The following ALMS1 variants were observed in gnomAD, a reference collection of about 807,000 sequenced individuals.
ALMS1 encodes ALMS1 centrosome and basal body associated protein.
ALMS1 carries 271 observed loss-of-function variants against 352.2 expected under a neutral mutation model. The observed-to-expected ratio is 0.77, with a 90% CI of 0.70 to 0.85. The LOEUF (loss-of-function observed/expected upper bound fraction) is 0.85, where lower values mean the gene tolerates loss of function less well. Ranked by LOEUF, ALMS1 falls within the 40% of genes least tolerant of loss-of-function variation. The pLI is 0.00. For synonymous variants in ALMS1, 1,865 were observed against 1,761.2 expected (o/e 1.06, Z -1.48); for missense variants, 5,445 against 4,870.7 (o/e 1.12, Z -3.51).
At chr2:73,463,212 G>T (rs1210817364) in intron 9 of ALMS1, among the ~76,000 whole-genome samples, 1 of 152,126 alleles carries the variant, frequency 6.6e-6, no homozygotes, top group Non-Finnish European at 1.5e-5. Context: ...TGGAAGTAAA[G>T]CACTCTCAGC....
Position 73,451,229 on chromosome 2 carries a change from T to C in ALMS1, c.4702T>C (p.Ser1568Pro). The change falls in exon 8 of 23, where the codon TCT (serine) becomes CCT (proline). Residue 1568 changes from serine to proline, a missense_variant. By Grantham distance (74) the Ser-to-Pro change is moderately conservative. Coordinates refer to ENST00000613296, the MANE Select transcript of ALMS1 (RefSeq NM_001378454.1). Reference protein sequence around the residue: ...DQTTGIPTITSTSYSFGEKPI... With the variant: ...DQTTGIPTITPTSYSFGEKPI... ...GACAACTGGCATACCAACCATAACC[T>C]CTACTTCCTACTCATTTGGAGAGAA... The C allele has an allele frequency of 6.2e-7, 1 of 1,613,570 alleles. No individual in the cohort carries two copies. Among genetic ancestry groups the C allele is most frequent in the Non-Finnish European group, 8.5e-7 (1 of 1,179,924 alleles).
chr2:73,505,271 G>A (rs1673297495), intron 10 of ALMS1, among the ~76,000 whole-genome samples: 1 of 152,220 alleles, frequency 6.6e-6, no homozygotes, highest in Non-Finnish European at 1.5e-5. Flanking sequence ...TGGTATTCTA[G>A]TTCTAAATCC....
rs551888738 is a variant in ALMS1, at chr2:73,452,454, A to G, written c.5927A>G (p.Gln1976Arg). 6 of 1,614,104 alleles carry G rather than the reference A, an allele frequency of 3.7e-6. No homozygotes were observed. Among genetic ancestry groups the G allele is most frequent in the Non-Finnish European group, 5.1e-6 (6 of 1,180,004 alleles). Residue 1976 changes from glutamine (Q) to arginine (R), a missense_variant, in exon 8 of 23, where the codon CAG becomes CGG. Gln to Arg is a conservative substitution (Grantham distance 43). Transcript: ENST00000613296. ...TCACCTGTTTCTATACCAGCAGAGCAGAAGACTGGGATACCAATAGGACTG... is the reference window on the plus strand; with the variant it reads ...TCACCTGTTTCTATACCAGCAGAGCGGAAGACTGGGATACCAATAGGACTG... ...KVSPVSIPAE[Q>R]KTGIPIGLSS...
chr2:73,434,864 G>A (rs961475910), intron 7 of ALMS1, among the ~76,000 whole-genome samples: 14 of 152,128 alleles, frequency 9.2e-5, no homozygotes, highest in African/African-American at 3.4e-4. Flanking sequence ...AATGCAGTGC[G>A]TGGCTCACTG....
intron 6 of ALMS1, among the ~76,000 whole-genome samples, chr2:73,431,319 G>T (rs760808442): frequency 2.6e-5 from 4 of 152,128 alleles, no homozygotes; most frequent in Non-Finnish European, 4.4e-5. Context: ...GGCTTCCTAA[G>T]AATGTTCATT....
chr2:73,568,257 T>A (rs1031713811), intron 15 of ALMS1, among the ~76,000 whole-genome samples: 2 of 152,192 alleles, frequency 1.3e-5, no homozygotes, highest in African/African-American at 4.8e-5. Flanking sequence ...AAGACTATTA[T>A]TAGAAGTGCA....
chr2:73,449,122 A>G lies in ALMS1; in HGVS notation c.2595A>G (p.Glu865=). 6.2e-7 allele frequency: 1 copy of G among 1,613,986 alleles called. No individual in the cohort carries two copies. The highest frequency in any genetic ancestry group is 8.5e-7 in the Non-Finnish European group (1 of 1,179,952). Residue 865 remains glutamate, a synonymous_variant, in exon 8 of 23, where the codon GAA becomes GAG. Transcript: ENST00000613296. ...STSSASSSLG[E]KPSAFYQQTL... is the part of the protein sequence containing the mutation. ...CCTCTGCGTCCTCTTCACTTGGAGAAAAGCCCAGTGCTTTCTATCAGCAGA... is the reference window on the plus strand; with the variant it reads ...CCTCTGCGTCCTCTTCACTTGGAGAGAAGCCCAGTGCTTTCTATCAGCAGA...
rs752084128 is a variant in ALMS1 at position 73,424,629 on chromosome 2, G to T, written c.964G>T (p.Glu322Ter). ...ACCTTCTGAACAAGGGAATAATGAA[G>T]AGACTATTTCGTCTGTTGATGAACT... ...FLPSEQGNNE[E>*]TISSVDELKI... The change falls in exon 5 of 23, where the codon GAG (glutamate) becomes TAG (stop). Residue 322 changes from glutamate to a stop codon, truncating the protein, a stop_gained. Coordinates refer to ENST00000613296, the MANE Select transcript of ALMS1 (RefSeq NM_001378454.1). LOFTEE classifies it high-confidence loss of function. The T allele has an allele frequency of 6.2e-7, 1 of 1,613,990 alleles. No homozygotes were observed.
At chr2:73,509,388 G>T (rs1673402959) in intron 10 of ALMS1, among the ~76,000 whole-genome samples, 1 of 152,014 alleles carries the variant, frequency 6.6e-6, no homozygotes, top group Non-Finnish European at 1.5e-5. Flanking sequence ...TTTTTGCAGT[G>T]ACTGGTACTG....
intron 20 of ALMS1, 28 bp from the exon 21 acceptor site, chr2:73,603,213 A>C: frequency 1.9e-6 from 3 of 1,612,266 alleles, no homozygotes; most frequent in Middle Eastern, 1.7e-4. Flanking sequence ...GTCACTGTCC[A>C]CTGAAAACCC....
intron 9 of ALMS1, among the ~76,000 whole-genome samples, chr2:73,464,971 C>G (rs1264486845): frequency 6.6e-6 from 1 of 151,186 alleles, no homozygotes; most frequent in African/African-American, 2.5e-5. Flanking sequence ...GAAGAACATT[C>G]CATGCTCATG....
At chr2:73,393,374 A>G (rs573750817) in intron 1 of ALMS1, among the ~76,000 whole-genome samples, 23 of 151,618 alleles carry the variant, frequency 1.5e-4, no homozygotes, top group Non-Finnish European at 2.9e-4. Flanking sequence ...ATTCTTTCGT[A>G]TGTGACTATC....
rs183269055 is a variant in ALMS1, at chr2:73,567,239, C to G, written c.10385-5023C>G. 2.0e-5 allele frequency among the ~76,000 whole-genome samples: 3 copies of G among 152,322 alleles called. No individual in the cohort carries two copies. The East Asian group carries it at 5.8e-4, about 29-fold the overall frequency. On this transcript the variant is annotated intron_variant, in intron 15 of 22. Coordinates refer to ENST00000613296, the MANE Select transcript of ALMS1 (RefSeq NM_001378454.1). ...TAAACAGGCCCCCCATCCTAAGGGG[C>G]TTTCCAAAATTCACCTCATTAATGT...
At chr2:73,522,238 G>A (rs1466129895) in intron 11 of ALMS1, among the ~76,000 whole-genome samples, 3 of 152,100 alleles carry the variant, frequency 2.0e-5, no homozygotes, top group Admixed American at 6.5e-5. Flanking sequence ...TTGTCCAATC[G>A]TTGCTGTTAA....
chr2:73,576,217 A>G (rs768538663), intron 16 of ALMS1, among the ~76,000 whole-genome samples: 4 of 152,190 alleles, frequency 2.6e-5, no homozygotes, highest in Non-Finnish European at 4.4e-5. Flanking sequence ...TTTACTGTGT[A>G]TTTAAAATGA....
chr2:73,385,823 T>A (rs1558624325), upstream of ALMS1: 1 of 658,370 alleles, frequency 1.5e-6, no homozygotes, highest in South Asian at 1.7e-5. Flanking sequence ...TTCCCCTCCC[T>A]CCCCCCCTCC....
chr2:73,452,857 A>G lies in ALMS1; in HGVS notation c.6330A>G (p.Pro2110=). ...ATATTTTCAGTCCACAGGAATTGCC[A>G]GGTAGTCATGTAACTGAAGATGTGC... is the stretch of plus-strand genomic sequence containing the variant. The part of the protein sequence containing the change: ...KSNIFSPQEL[P]GSHVTEDVLK... Residue 2110 remains proline (P), a synonymous_variant, in exon 8 of 23, where the codon CCA becomes CCG. Transcript: ENST00000613296. The G allele has an allele frequency of 6.2e-7, 1 of 1,613,902 alleles. No homozygotes were observed. Among genetic ancestry groups the G allele is most frequent in the East Asian group, 2.2e-5 (1 of 44,852 alleles).
At chr2:73,563,300 A>G (rs1437934867) in intron 15 of ALMS1, among the ~76,000 whole-genome samples, 1 of 152,210 alleles carries the variant, frequency 6.6e-6, no homozygotes, top group Non-Finnish European at 1.5e-5. Flanking sequence ...GTATATTTTT[A>G]TACTGATTTG....
rs540299022 is a variant in ALMS1 at position 73,482,734 on chromosome 2, T to C, written c.7675-6900T>C. Among the ~76,000 whole-genome samples the C allele has an allele frequency of 1.9e-3, 283 of 152,226 alleles. 2 individuals are homozygous for C. The highest frequency in any genetic ancestry group is 6.6e-3 in the African/African-American group (274 of 41,542). ...GGACTCTTTTTGGTTGGTAAGCTAT[T>C]GATTATTGCCACAATTTCAGATCCT... On this transcript the variant is annotated intron_variant, in intron 9 of 22. Coordinates refer to ENST00000613296, the MANE Select transcript of ALMS1 (RefSeq NM_001378454.1).
Sources: gnomAD v4.1 joint callset for allele counts (sites outside exome capture counted in the v4.1 genomes callset) on GRCh38, gnomAD v4.1.1 for gene constraint, MANE v1.5 for transcripts, NCBI Gene and HGNC (gene_info 2026-07-23, HGNC 2026-07-21) for gene names.